The following ZNF567 variants were observed in gnomAD, a reference collection of about 807,000 sequenced individuals.
ZNF567 encodes the protein zinc finger protein 567.
In ZNF567, 36 loss-of-function variants were observed where a neutral mutation model predicts 53.9. That is an observed-to-expected ratio of 0.67 (90% CI 0.51 to 0.88). The LOEUF is 0.88. Ranked by LOEUF, ZNF567 falls within the 40% of genes least tolerant of loss-of-function variation. The pLI, the probability that ZNF567 is intolerant of heterozygous loss-of-function variation, is 0.00. For missense variants in ZNF567, 619 were observed against 764.7 expected (o/e 0.81, Z 2.25); for synonymous variants, 224 against 260.4 (o/e 0.86, Z 1.35).
At position 36,718,931 on chromosome 19, in the gene ZNF567, A is replaced by T; in HGVS notation, c.224-17A>T. On this transcript the variant is annotated splice_polypyrimidine_tract_variant and intron_variant, in intron 5 of 5. Coordinates refer to ENST00000682579, the MANE Select transcript of ZNF567 (RefSeq NM_001322917.1). ...TGTGAAGATTCACAAATTGTTATCA[A>T]TTATATTCTTTTCTAGAAGAAAACT... The T allele has an allele frequency of 1.3e-6, 2 of 1,533,506 alleles. No individual in the cohort carries two copies. Among genetic ancestry groups the T allele is most frequent in the Non-Finnish European group, 1.7e-6 (2 of 1,145,328 alleles). The allele number at this position is 1,533,506 out of a possible 1,614,324, so 95.0% of individuals were successfully genotyped here.
rs1369334102 is a variant in ZNF567, at chr19:36,720,034, C to T, written c.1310C>T (p.Ala437Val). The change falls in exon 6 of 6, where the codon GCT becomes GTT. Residue 437 changes from alanine (A) to valine (V), a missense_variant. Physicochemically the swap from Ala to Val is moderately conservative, Grantham distance 64. Transcript: ENST00000682579. ...GKSFSQKTTLALHEKTHNEEK... is the reference protein window; with the variant it reads ...GKSFSQKTTLVLHEKTHNEEK... ...TCCTTCTCCCAGAAGACAACCCTTG[C>T]TCTTCATGAGAAAACTCATAATGAG... 7 of 1,613,306 alleles carry T rather than the reference C, an allele frequency of 4.3e-6. No homozygotes were observed. In the Admixed American group the frequency reaches 5.0e-5, roughly 12 times the overall value.
chr19:36,723,337 T>G, downstream of ZNF567: 1 of 689,296 alleles, frequency 1.5e-6, no homozygotes, highest in Non-Finnish European at 2.6e-6. Context: ...AAATAAAAAG[T>G]ATCTGTGGCA....
At chr19:36,706,209 A>C (rs1405825866) in intron 3 of ZNF567, among the ~76,000 whole-genome samples, 2 of 152,304 alleles carry the variant, frequency 1.3e-5, no homozygotes, top group East Asian at 3.9e-4. Flanking sequence ...AATCCCATTC[A>C]CAAAGGGAGA....
chr19:36,696,833 T>A (rs546096456), intron 3 of ZNF567, among the ~76,000 whole-genome samples: 1 of 152,352 alleles, frequency 6.6e-6, no homozygotes, highest in South Asian at 2.1e-4. Flanking sequence ...AACAGAGAGC[T>A]TACCGTTTTA....
rs769867934 is a variant in ZNF567, at chr19:36,719,547, C to T, written c.823C>T (p.His275Tyr). The change falls in exon 6 of 6, where the codon CAC becomes TAC. Residue 275 changes from histidine (H) to tyrosine (Y), a missense_variant. His to Tyr is a moderately conservative substitution (Grantham distance 83). Coordinates refer to ENST00000682579, the MANE Select transcript of ZNF567 (RefSeq NM_001322917.1). ...KSVLILHQGI[H>Y]SEEKPYQCHQ... ...AGTATTGATTCTGCATCAGGGAATT[C>T]ACTCAGAAGAAAAACCCTATCAATG... is the stretch of plus-strand genomic sequence containing the variant. The T allele has an allele frequency of 1.2e-6, 2 of 1,614,084 alleles. No individual in the cohort carries two copies. The highest frequency in any genetic ancestry group is 1.7e-4 in the Middle Eastern group (1 of 6,060).
At chr19:36,671,777 G>A in the ZNF567 span, among the ~76,000 whole-genome samples, 1 of 152,166 alleles carries the variant, frequency 6.6e-6, no homozygotes, top group South Asian at 2.1e-4. Context: ...CATGGGCCAC[G>A]AAGTTACCAT....
the ZNF567 span, among the ~76,000 whole-genome samples, chr19:36,676,258 G>T: frequency 6.6e-6 from 1 of 150,894 alleles, no homozygotes; most frequent in Non-Finnish European, 1.5e-5. Context: ...TTGAGACGGG[G>T]TTTCACCATA....
intron 5 of ZNF567, 72 bp downstream of exon 5, chr19:36,712,939 C>T (rs1026417968): frequency 9.2e-6 from 11 of 1,197,740 alleles, no homozygotes; most frequent in Admixed American, 7.0e-5. Flanking sequence ...GGGGGTGATA[C>T]CTTTGAAATG....
rs1322063179 is a variant in ZNF567, at chr19:36,719,494, A to T, written c.770A>T (p.Glu257Val). ...TNIEKKHTCN[E>V]CGKSFCRKSV... ...ATTGAAAAAAAACATACATGCAATG[A>T]ATGTGGGAAATCTTTCTGCAGGAAA... The change falls in exon 6 of 6, where the codon GAA becomes GTA. Residue 257 changes from glutamate to valine, a missense_variant. Physicochemically the swap from Glu to Val is moderately radical, Grantham distance 121 (BLOSUM62 -2). Coordinates refer to ENST00000682579, the MANE Select transcript of ZNF567 (RefSeq NM_001322917.1). 6.2e-7 allele frequency: 1 copy of T among 1,612,650 alleles called. No homozygotes were observed. The highest frequency in any genetic ancestry group is 1.7e-5 in the Admixed American group (1 of 59,738).
At chr19:36,721,613 T>C (rs887388635), downstream of ZNF567, among the ~76,000 whole-genome samples, 2 of 152,184 alleles carry the variant, frequency 1.3e-5, no homozygotes, top group Admixed American at 6.5e-5. Flanking sequence ...GTCATGATTT[T>C]AGGGGTACTT....
At chr19:36,671,539 C>T in the ZNF567 span, among the ~76,000 whole-genome samples, 2 of 152,216 alleles carry the variant, frequency 1.3e-5, no homozygotes, top group Admixed American at 6.5e-5. Flanking sequence ...GGCTGCTGTG[C>T]AAGCTGATGT....
intron 3 of ZNF567, among the ~76,000 whole-genome samples, chr19:36,699,271 A>G (rs2039050821): frequency 6.6e-6 from 1 of 152,104 alleles, no homozygotes. Flanking sequence ...GTTCTGTTCC[A>G]TTGATCTATA....
intron 2 of ZNF567, among the ~76,000 whole-genome samples, chr19:36,694,547 A>G (rs1030210768): frequency 3.3e-5 from 5 of 152,170 alleles, no homozygotes; most frequent in Non-Finnish European, 5.9e-5. Context: ...TAGGCTGACT[A>G]GGAGAGAAAA....
At chr19:36,721,494 TTAA>T (rs1295399835), downstream of ZNF567, among the ~76,000 whole-genome samples, 1 of 152,170 alleles carries the variant, frequency 6.6e-6, no homozygotes, top group East Asian at 1.9e-4. Flanking sequence ...GAGAAGGCTA[TTAA>T]TAAATCATGG....
downstream of ZNF567, among the ~76,000 whole-genome samples, chr19:36,725,654 T>C (rs1182432089): frequency 2.0e-5 from 3 of 152,132 alleles, no homozygotes; most frequent in Non-Finnish European, 4.4e-5. Flanking sequence ...TTTAAGTCCT[T>C]TGTAGTAGGG....
In ZNF567 at chr19:36,712,839, G is replaced by A; in HGVS notation, c.195G>A (p.Trp65Ter). Residue 65 changes from tryptophan to a stop codon, truncating the protein, a stop_gained, in exon 5 of 6, where the codon TGG (tryptophan) becomes TGA (stop). Transcript: ENST00000682579. LOFTEE classifies it high-confidence loss of function. ...AGTTGGAACGAGGAGAAGAGCCATGGACATCATTTGCAGGTCATACCTGCT... is the reference window on the plus strand; with the variant it reads ...AGTTGGAACGAGGAGAAGAGCCATGAACATCATTTGCAGGTCATACCTGCT... ...ILKLERGEEP[W>*]TSFAGHTCLE... The A allele has an allele frequency of 6.2e-7, 1 of 1,614,120 alleles. No homozygotes were observed. The highest frequency in any genetic ancestry group is 1.1e-5 in the South Asian group (1 of 91,076).
At chr19:36,682,887 G>A (rs1417255387), upstream of ZNF567, among the ~76,000 whole-genome samples, 5 of 151,956 alleles carry the variant, frequency 3.3e-5, no homozygotes, top group East Asian at 1.9e-4. Context: ...GATTACAGGC[G>A]TGAGCCACCA....
chr19:36,694,760 T>G, intron 2 of ZNF567, 42 bp from the exon 3 acceptor site: 1 of 963,034 alleles, frequency 1.0e-6, no homozygotes, highest in Non-Finnish European at 1.5e-6. Context: ...GAGGCACATG[T>G]GGTCTCATGT....
downstream of ZNF567, among the ~76,000 whole-genome samples, chr19:36,721,681 A>G (rs2145931283): frequency 6.6e-6 from 1 of 152,162 alleles, no homozygotes; most frequent in South Asian, 2.1e-4. Context: ...ATACAAGAGA[A>G]AGGGACATTG....
Sources: gnomAD v4.1 joint callset for allele counts (sites outside exome capture counted in the v4.1 genomes callset) on GRCh38, gnomAD v4.1.1 for gene constraint, MANE v1.5 for transcripts, NCBI Gene and HGNC (gene_info 2026-07-23, HGNC 2026-07-21) for gene names.